ADAM23: variants seen among roughly 807,000 people sequenced by gnomAD.
ADAM23 encodes ADAM metallopeptidase domain 23.
A neutral mutation model predicts 120.1 loss-of-function variants in ADAM23; 33 were observed. That is an observed-to-expected ratio of 0.27 (90% CI 0.21 to 0.37). The LOEUF (loss-of-function observed/expected upper bound fraction) is 0.37, where lower values mean the gene tolerates loss of function less well. Among genes scored for constraint, ADAM23 ranks in the 10% least tolerant of loss-of-function variants. ADAM23 has a pLI of 1.00. For missense variants in ADAM23, 862 were observed against 1,058.2 expected, an observed-to-expected ratio of 0.81 and a Z score of 2.57; for synonymous variants, 367 against 375.2, an observed-to-expected ratio of 0.98 and a Z score of 0.25.
intron 24 of ADAM23, among the ~76,000 whole-genome samples, chr2:206,600,534 AG>A (rs974510419): frequency 2.0e-5 from 3 of 152,222 alleles, no homozygotes; most frequent in Non-Finnish European, 4.4e-5. Flanking sequence ...CTTTGGATCA[AG>A]ACCAAATTAG....
intron 9 of ADAM23, among the ~76,000 whole-genome samples, chr2:206,554,910 TC>T (rs1697610964): frequency 6.6e-6 from 1 of 152,008 alleles, no homozygotes; most frequent in African/African-American, 2.4e-5. Context: ...TTGATTACCC[TC>T]TTTTTTTGAA....
intron 2 of ADAM23, among the ~76,000 whole-genome samples, chr2:206,454,100 A>G (rs1695247556): frequency 6.6e-6 from 1 of 152,234 alleles, no homozygotes. Context: ...GAACCTTTGT[A>G]TTAGTCCATT....
intron 2 of ADAM23, among the ~76,000 whole-genome samples, chr2:206,474,566 T>A (rs1165770401): frequency 6.6e-6 from 1 of 152,056 alleles, no homozygotes; most frequent in African/African-American, 2.4e-5. Context: ...GCTACATTGG[T>A]CACATTATTA....
intron 3 of ADAM23, among the ~76,000 whole-genome samples, chr2:206,494,484 C>T (rs1696197706): frequency 6.6e-6 from 1 of 152,148 alleles, no homozygotes; most frequent in Non-Finnish European, 1.5e-5. Flanking sequence ...AAGGAGCCCA[C>T]AGTTTAGGGT....
chr2:206,467,855 C>T (rs1481625689), intron 2 of ADAM23, among the ~76,000 whole-genome samples: 1 of 152,154 alleles, frequency 6.6e-6, no homozygotes, highest in African/African-American at 2.4e-5. Context: ...GGCAGAGGTT[C>T]CCAAGCCTCA....
At chr2:206,561,095 G>A (rs751322646) in intron 11 of ADAM23, 33 bp from the exon 12 acceptor site, 53 of 1,594,822 alleles carry the variant, frequency 3.3e-5, no homozygotes, top group Non-Finnish European at 2.9e-5. Context: ...GGTCCACCAC[G>A]TTGGTTTTCT....
rs141774324 is a variant in ADAM23, at chr2:206,620,734, C to T, written c.*3107C>T. The T allele has an allele frequency of 1.3e-5, 2 of 152,082 alleles. No individual in the cohort carries two copies. The highest frequency in any genetic ancestry group is 2.4e-5 in the African/African-American group (1 of 41,398). 9.4% of individuals were successfully genotyped at this position (152,082 alleles called of 1,614,324 possible). A position where few individuals can be genotyped will look rare whatever the true frequency, so the allele number is the denominator to read the frequency against. On this transcript the variant is annotated 3_prime_UTR_variant, in exon 26 of 26. Coordinates refer to ENST00000264377, the MANE Select transcript of ADAM23 (RefSeq NM_003812.4). ...ATGAGCCCATTGAATTAGAGCTGCT[C>T]CTACTAGATAACTGAGCAGTACACA...
chr2:206,543,696 A>C (rs1697339002), intron 6 of ADAM23, among the ~76,000 whole-genome samples: 1 of 152,208 alleles, frequency 6.6e-6, no homozygotes, highest in Admixed American at 6.5e-5. Context: ...AATTGCAGAA[A>C]TATGGAACCA....
intron 2 of ADAM23, among the ~76,000 whole-genome samples, chr2:206,456,177 T>G (rs551004605): frequency 1.3e-5 from 2 of 152,076 alleles, no homozygotes; most frequent in Admixed American, 6.6e-5. Flanking sequence ...TGGGAGGTCT[T>G]AGGAAACTTA....
chr2:206,588,031 A>G, intron 19 of ADAM23, 60 bp from the exon 20 acceptor site: 1 of 1,570,796 alleles, frequency 6.4e-7, no homozygotes, highest in African/African-American at 1.4e-5. Flanking sequence ...ACATTGTAGT[A>G]AAAACATTGG....
At position 206,443,938 on chromosome 2, in the gene ADAM23, C is replaced by A; in HGVS notation, c.72C>A (p.Gly24=). The A allele has an allele frequency of 8.0e-7, 1 of 1,246,518 alleles. No individual in the cohort carries two copies. The highest frequency in any genetic ancestry group is 1.0e-6 in the Non-Finnish European group (1 of 999,884). The allele number at this position is 1,246,518 out of a possible 1,614,324, so 77.2% of individuals were successfully genotyped here. A position where few individuals can be genotyped will look rare whatever the true frequency, so the allele number is the denominator to read the frequency against. Reference sequence around the variant, plus strand: ...GCAGCCTTGCCGGCGCTTCCTGCGGCCCCCAACGCGGCCCCGCCGGCTCGG... The same window carrying A: ...GCAGCCTTGCCGGCGCTTCCTGCGGACCCCAACGCGGCCCCGCCGGCTCGG... ...AGCSLAGASC[G]PQRGPAGSVP... Residue 24 remains glycine (G), a synonymous_variant, in exon 1 of 26, where the codon GGC becomes GGA. Transcript: ENST00000264377.
intron 9 of ADAM23, among the ~76,000 whole-genome samples, chr2:206,553,270 CAAA>C (rs969189433): frequency 6.6e-6 from 1 of 151,322 alleles, no homozygotes; most frequent in African/African-American, 2.4e-5. Context: ...TATACATATA[CAAA>C]AAAAATTAAA....
At chr2:206,512,390 G>T (rs1033167833) in intron 3 of ADAM23, among the ~76,000 whole-genome samples, 4 of 152,058 alleles carry the variant, frequency 2.6e-5, no homozygotes, top group African/African-American at 9.7e-5. Flanking sequence ...TTTAGTGTGG[G>T]TATTTAAATT....
At chr2:206,580,659 G>C (rs1346200254) in intron 18 of ADAM23, among the ~76,000 whole-genome samples, 5 of 152,172 alleles carry the variant, frequency 3.3e-5, no homozygotes, top group Non-Finnish European at 7.3e-5. Flanking sequence ...GTTCATCAAG[G>C]ATATCGGTGT....
At chr2:206,452,433 T>A (rs998825421) in intron 2 of ADAM23, among the ~76,000 whole-genome samples, 1 of 152,162 alleles carries the variant, frequency 6.6e-6, no homozygotes, top group South Asian at 2.1e-4. Context: ...ATGTAACTAT[T>A]AGTGTCATTC....
rs937257031 is a variant in ADAM23, at chr2:206,620,674, C to T, written c.*3047C>T. The T allele has an allele frequency of 3.9e-5, 6 of 152,090 alleles. No homozygotes were observed. Among genetic ancestry groups the T allele is most frequent in the Non-Finnish European group, 8.8e-5 (6 of 68,032 alleles). 9.4% of individuals were successfully genotyped at this position (152,090 alleles called of 1,614,324 possible). A position where few individuals can be genotyped will look rare whatever the true frequency, so the allele number is the denominator to read the frequency against. ...AATTAATGACACCCGGATGAGGAGACGTGCGCTAACTTCATTGCTCATCTG... is the reference window on the plus strand; with the variant it reads ...AATTAATGACACCCGGATGAGGAGATGTGCGCTAACTTCATTGCTCATCTG... On this transcript the variant is annotated 3_prime_UTR_variant, in exon 26 of 26. Coordinates refer to ENST00000264377, the MANE Select transcript of ADAM23 (RefSeq NM_003812.4).
At chr2:206,556,534 C>T (rs562764761) in intron 9 of ADAM23, among the ~76,000 whole-genome samples, 13 of 152,116 alleles carry the variant, frequency 8.5e-5, no homozygotes, top group Admixed American at 2.6e-4. Flanking sequence ...AAATAATAAC[C>T]TCATGGACCA....
rs1248311555 is a variant in ADAM23, at chr2:206,598,052, A to T, written c.2359+1890A>T. The stretch of plus-strand genomic sequence containing the variant: ...TCTCCTTCTTCTATTTCTAAAAGGG[A>T]ACGTATTCCACTTTTACACTTAGTC... On this transcript the variant is annotated intron_variant, in intron 24 of 25. Coordinates refer to ENST00000264377, the MANE Select transcript of ADAM23 (RefSeq NM_003812.4). Among the ~76,000 whole-genome samples the T allele has an allele frequency of 3.3e-5, 5 of 152,318 alleles. No homozygotes were observed. The Middle Eastern group carries it at 0.01, about 311-fold the overall frequency.
In ADAM23 at chr2:206,558,925, GTTTGTT is replaced by G. The variant is rs1380845301; in HGVS notation, c.1006-1028_1006-1023del. ...GTTCAAAGATCATCCATTGGTTTTT[GTTTGTT>G]TGTTTGTTTGTTTGTTTGTTTGTTT... On this transcript the variant is annotated intron_variant, in intron 10 of 25. Coordinates refer to ENST00000264377, the MANE Select transcript of ADAM23 (RefSeq NM_003812.4). Among the ~76,000 whole-genome samples the G allele has an allele frequency of 6.2e-3, 613 of 98,386 alleles. 5 individuals are homozygous for G. Among genetic ancestry groups the G allele is most frequent in the African/African-American group, 0.017 (591 of 34,442 alleles). The allele number at this position is 98,386 out of a possible 152,430, so 64.5% of individuals were successfully genotyped here.
Sources: gnomAD v4.1 joint callset for allele counts (sites outside exome capture counted in the v4.1 genomes callset) on GRCh38, gnomAD v4.1.1 for gene constraint, MANE v1.5 for transcripts, NCBI Gene and HGNC (gene_info 2026-07-23, HGNC 2026-07-21) for gene names.